GALNT13: variants seen among roughly 807,000 people sequenced by gnomAD.
The protein encoded by GALNT13 is polypeptide N-acetylgalactosaminyltransferase 13.
In GALNT13, 28 loss-of-function variants were observed where a neutral mutation model predicts 64.2. The observed-to-expected ratio is 0.44, with a 90% CI of 0.32 to 0.60. GALNT13 has a LOEUF of 0.60. Among genes scored for constraint, GALNT13 ranks in the 20% least tolerant of loss-of-function variants. GALNT13 has a pLI of 0.05. For synonymous variants in GALNT13, 214 were observed against 224.6 expected (o/e 0.95, Z 0.42); for missense variants, 577 against 669.8 (o/e 0.86, Z 1.53).
the GALNT13 span, among the ~76,000 whole-genome samples, chr2:153,839,597 T>A: frequency 6.6e-6 from 1 of 151,890 alleles, no homozygotes; most frequent in African/African-American, 2.4e-5. Flanking sequence ...GAAAAAAGTA[T>A]TAATTATGAA....
the GALNT13 span, among the ~76,000 whole-genome samples, chr2:153,645,348 G>T: frequency 6.6e-6 from 1 of 151,994 alleles, no homozygotes; most frequent in Admixed American, 6.6e-5. Context: ...TAGTATTGTA[G>T]AAATAATAGT....
the GALNT13 span, among the ~76,000 whole-genome samples, chr2:153,079,587 C>A: frequency 2.0e-5 from 3 of 152,164 alleles, no homozygotes; most frequent in African/African-American, 7.2e-5. Context: ...TCAGGGAAAT[C>A]AGGACGGCTT....
chr2:154,204,552 A>G (rs1388290125), intron 4 of GALNT13, among the ~76,000 whole-genome samples: 1 of 152,136 alleles, frequency 6.6e-6, no homozygotes, highest in Non-Finnish European at 1.5e-5. Context: ...TCCCAGTTGA[A>G]TCTCACCACA....
At chr2:153,712,925 G>A in the GALNT13 span, among the ~76,000 whole-genome samples, 12 of 152,108 alleles carry the variant, frequency 7.9e-5, no homozygotes, top group South Asian at 1.5e-3. Flanking sequence ...CTGCCCCACC[G>A]GGGAATATTA....
chr2:153,726,053 A>G, the GALNT13 span, among the ~76,000 whole-genome samples: 3 of 152,142 alleles, frequency 2.0e-5, no homozygotes, highest in Non-Finnish European at 2.9e-5. Context: ...TTTTAATGCC[A>G]ACATAATCTT....
At chr2:153,673,224 C>G in the GALNT13 span, among the ~76,000 whole-genome samples, 1 of 152,136 alleles carries the variant, frequency 6.6e-6, no homozygotes, top group African/African-American at 2.4e-5. Context: ...CAGTATCACC[C>G]TAATTCCAAA....
chr2:153,786,229 G>A, the GALNT13 span, among the ~76,000 whole-genome samples: 1 of 152,106 alleles, frequency 6.6e-6, no homozygotes, highest in Admixed American at 6.6e-5. Flanking sequence ...AACCCTTCTG[G>A]CACTGCAGTT....
At chr2:153,656,700 A>G in the GALNT13 span, among the ~76,000 whole-genome samples, 1 of 152,126 alleles carries the variant, frequency 6.6e-6, no homozygotes, top group African/African-American at 2.4e-5. Flanking sequence ...CCTTTAGGGA[A>G]AAGAAATGTC....
At chr2:153,591,972 A>G in the GALNT13 span, among the ~76,000 whole-genome samples, 1 of 152,076 alleles carries the variant, frequency 6.6e-6, no homozygotes, top group Non-Finnish European at 1.5e-5. Flanking sequence ...AACTCAAACA[A>G]CTCAATAACA....
At chr2:153,235,282 A>T in the GALNT13 span, among the ~76,000 whole-genome samples, 1 of 152,170 alleles carries the variant, frequency 6.6e-6, no homozygotes, top group Non-Finnish European at 1.5e-5. Context: ...TGCACAAAAG[A>T]ATTTGAGAGT....
At chr2:153,531,159 A>C in the GALNT13 span, among the ~76,000 whole-genome samples, 1 of 152,208 alleles carries the variant, frequency 6.6e-6, no homozygotes, top group Non-Finnish European at 1.5e-5. Context: ...TCATTTTTGC[A>C]TTGCTATAAA....
intron 4 of GALNT13, among the ~76,000 whole-genome samples, chr2:154,194,162 A>G (rs1686752168): frequency 6.6e-6 from 1 of 152,138 alleles, no homozygotes; most frequent in East Asian, 1.9e-4. Context: ...TAAAGTTCCA[A>G]AGATGATTCT....
At chr2:153,805,377 C>T in the GALNT13 span, among the ~76,000 whole-genome samples, 1 of 151,914 alleles carries the variant, frequency 6.6e-6, no homozygotes, top group South Asian at 2.1e-4. Flanking sequence ...AAATGTGAGC[C>T]GCTAATTTTG....
At chr2:154,021,872 T>A (rs1472811140) in intron 3 of GALNT13, among the ~76,000 whole-genome samples, 2 of 151,206 alleles carry the variant, frequency 1.3e-5, no homozygotes, top group Non-Finnish European at 3.0e-5. Flanking sequence ...TTGAGATACA[T>A]CCCATCAATA....
intron 3 of GALNT13, among the ~76,000 whole-genome samples, chr2:154,097,482 A>T (rs1349518023): frequency 6.6e-6 from 1 of 152,098 alleles, no homozygotes; most frequent in Non-Finnish European, 1.5e-5. Context: ...TATCTTGATA[A>T]ACCTAACATA....
At chr2:154,242,972 AT>A in intron 6 of GALNT13, 67 bp downstream of exon 6, 2 of 1,277,286 alleles carry the variant, frequency 1.6e-6, no homozygotes, top group Non-Finnish European at 2.2e-6. Context: ...CCAGATGTCC[AT>A]CAGAATTTCT....
At chr2:154,413,377 TAGCC>T (rs1418737446) in intron 11 of GALNT13, among the ~76,000 whole-genome samples, 1 of 152,000 alleles carries the variant, frequency 6.6e-6, no homozygotes, top group Non-Finnish European at 1.5e-5. Flanking sequence ...GCCTTTGTTC[TAGCC>T]TATATCTACT....
the GALNT13 span, among the ~76,000 whole-genome samples, chr2:153,100,914 G>A: frequency 3.4e-4 from 52 of 152,056 alleles, no homozygotes; most frequent in African/African-American, 1.3e-3. Flanking sequence ...CTGAAATCCC[G>A]CCTACTTGGG....
chr2:153,731,412 G>T, the GALNT13 span, among the ~76,000 whole-genome samples: 1 of 151,860 alleles, frequency 6.6e-6, no homozygotes, highest in African/African-American at 2.4e-5. Flanking sequence ...CCATTTGGAT[G>T]ATGAGTACAC....
Sources: allele counts gnomAD v4.1 joint callset (sites outside exome capture counted in the v4.1 genomes callset), GRCh38; gene constraint gnomAD v4.1.1; transcripts MANE v1.5; gene names NCBI Gene and HGNC (gene_info 2026-07-23, HGNC 2026-07-21).